Variants in SCN3A observed in about 807,000 individuals in gnomAD.
SCN3A encodes the protein sodium voltage-gated channel alpha subunit 3.
SCN3A carries 60 observed loss-of-function variants against 187.6 expected under a neutral mutation model. That is an observed-to-expected ratio of 0.32 (90% confidence interval 0.26 to 0.40). The LOEUF (loss-of-function observed/expected upper bound fraction) is 0.40. Among genes scored for constraint, SCN3A ranks in the 10% least tolerant of loss-of-function variants. SCN3A has a pLI of 1.00. For synonymous variants in SCN3A, 788 were observed against 829.2 expected (o/e 0.95, Z 0.85); for missense variants, 1,601 against 2,428.2 (o/e 0.66, Z 7.16).
At chr2:165,096,678 T>C (rs577231417) in intron 23 of SCN3A, among the ~76,000 whole-genome samples, 158 bp from the exon 24 acceptor site, 17 of 152,262 alleles carry the variant, frequency 1.1e-4, no homozygotes, top group Non-Finnish European at 2.1e-4. Context: ...AGAAAAACAT[T>C]TGTATTTAAA....
Position 165,092,339 on chromosome 2 carries a change from C to T in SCN3A, c.4722G>A (p.Val1574=). The change falls in exon 27 of 28, where the codon GTG becomes GTA. Residue 1574 remains valine (V), a synonymous_variant. Coordinates refer to ENST00000283254, the MANE Select transcript of SCN3A (RefSeq NM_006922.4). This position sits in a 1 kb window ranked among gnomAD's most constrained non-coding sequence, Gnocchi z 4.2. ...AGTGTCTGAGGGAGACGAGCTTCAG[C>T]ACAAATTCTCCAGTGAACAGAACAA... is the stretch of plus-strand genomic sequence containing the variant. The part of the protein sequence containing the change: ...VFIVLFTGEF[V]LKLVSLRHYY... 1 of 1,613,928 alleles carries T rather than the reference C, an allele frequency of 6.2e-7. No homozygotes were observed. Among genetic ancestry groups the T allele is most frequent in the Non-Finnish European group, 8.5e-7 (1 of 1,179,934 alleles).
At chr2:165,154,787 T>C in intron 10 of SCN3A, 129 bp from the exon 11 acceptor site, 1 of 887,404 alleles carries the variant, frequency 1.1e-6, no homozygotes, top group Non-Finnish European at 1.8e-6. Flanking sequence ...TCACCAAGAA[T>C]TTTTTGGTAT....
At chr2:165,167,243 G>C (rs1689825551) in intron 5 of SCN3A, among the ~76,000 whole-genome samples, 1 of 152,096 alleles carries the variant, frequency 6.6e-6, no homozygotes, top group Admixed American at 6.6e-5. Context: ...GTCTTACATA[G>C]GAGTGTCCAT....
At position 165,090,215 on chromosome 2, in the gene SCN3A, T is replaced by C. The variant is rs1484298815; in HGVS notation, c.5938A>G (p.Lys1980Glu). Residue 1980 changes from lysine to glutamate, a missense_variant, in exon 28 of 28, where the codon AAG becomes GAG. Transcript: ENST00000283254. This position sits in a 1 kb window ranked among gnomAD's most constrained non-coding sequence, Gnocchi z 4.0. ...TTTTCTGGTTTGTCTTTCTCAAACT[T>C]TTCCTTGTCTGGTTTTGTTACACTA... Reference protein sequence around the residue: ...YDSVTKPDKEKFEKDKPEKES... With the variant: ...YDSVTKPDKEEFEKDKPEKES... 8 of 1,607,646 alleles carry C rather than the reference T, an allele frequency of 5.0e-6. No homozygotes were observed. The highest frequency in any genetic ancestry group is 6.0e-6 in the Non-Finnish European group (7 of 1,175,780).
At position 165,123,245 on chromosome 2, in the gene SCN3A, T is replaced by C. The variant is rs565833252; in HGVS notation, c.3393+4386A>G. 2.0e-4 allele frequency among the ~76,000 whole-genome samples: 30 copies of C among 152,288 alleles called. No homozygotes were observed. In the South Asian group the frequency reaches 6.2e-3, roughly 32 times the overall value. ...TGAACTTTTTTCATGCAAAAGTTTATATTTGCTTCCATACCAGCCTATTTA... is the reference window on the plus strand; with the variant it reads ...TGAACTTTTTTCATGCAAAAGTTTACATTTGCTTCCATACCAGCCTATTTA... On this transcript the variant is annotated intron_variant, in intron 18 of 27. Coordinates refer to ENST00000283254, the MANE Select transcript of SCN3A (RefSeq NM_006922.4).
chr2:165,145,748 G>A (rs1232367950), intron 12 of SCN3A, among the ~76,000 whole-genome samples: 1 of 151,560 alleles, frequency 6.6e-6, no homozygotes, highest in Non-Finnish European at 1.5e-5. Context: ...TGCAGTTTTT[G>A]ATTAAATTAA....
intron 11 of SCN3A, among the ~76,000 whole-genome samples, chr2:165,153,851 C>T (rs1007531538): frequency 1.3e-5 from 2 of 151,574 alleles, no homozygotes; most frequent in African/African-American, 2.4e-5. Context: ...ACTGTGTTTC[C>T]GTCTCTTCTC....
chr2:165,134,716 A>G (rs1261228408), intron 15 of SCN3A, among the ~76,000 whole-genome samples: 1 of 152,102 alleles, frequency 6.6e-6, no homozygotes, highest in Non-Finnish European at 1.5e-5. Context: ...GTAAATGTAA[A>G]ATAAGTTGTA....
intron 2 of SCN3A, among the ~76,000 whole-genome samples, chr2:165,184,912 G>A (rs1346182675): frequency 6.6e-6 from 1 of 152,104 alleles, no homozygotes; most frequent in Admixed American, 6.5e-5. Context: ...GTATCACTAC[G>A]TTATAGCCAA....
intron 1 of SCN3A, among the ~76,000 whole-genome samples, chr2:165,190,102 T>C (rs1349177118): frequency 1.3e-5 from 2 of 152,194 alleles, no homozygotes; most frequent in Admixed American, 1.3e-4. Context: ...GGTAACAGTC[T>C]CAATTACCAT....
rs1179536824 is a variant in SCN3A at position 165,139,627 on chromosome 2, T to C, written c.2020-19A>G. ...TGGTGCCCTGCAAACCAAATACTGATGGCTCAAACCACTCTTCCCAATAAG... is the reference window on the plus strand; with the variant it reads ...TGGTGCCCTGCAAACCAAATACTGACGGCTCAAACCACTCTTCCCAATAAG... On this transcript the variant is annotated intron_variant, in intron 13 of 27. Transcript: ENST00000283254. The C allele has an allele frequency of 6.2e-7, 1 of 1,613,642 alleles. No homozygotes were observed. Among genetic ancestry groups the C allele is most frequent in the Non-Finnish European group, 8.5e-7 (1 of 1,179,712 alleles).
rs1183307258 is a variant in SCN3A, at chr2:165,090,574, A to G, written c.5579T>C (p.Val1860Ala). ...ATCCATCTCTCCACTCTCACCCAAA[A>G]CACGCTTTGTAAAGGCAAATAAAAT... ...LDILFAFTKR[V>A]LGESGEMDAL... Residue 1860 changes from valine to alanine, a missense_variant, in exon 28 of 28, where the codon GTT becomes GCT. Transcript: ENST00000283254. The surrounding 1 kb of genome is among the most constrained non-coding windows in gnomAD (Gnocchi z 4.0). 1.2e-6 allele frequency: 2 copies of G among 1,613,972 alleles called. No homozygotes were observed. Among genetic ancestry groups the G allele is most frequent in the Non-Finnish European group, 8.5e-7 (1 of 1,179,980 alleles).
Position 165,138,228 on chromosome 2 carries a change from GTTCA to G in SCN3A, c.2153-115_2153-112del. 4 of 786,908 alleles carry G rather than the reference GTTCA, an allele frequency of 5.1e-6. No homozygotes were observed. The South Asian group carries it at 5.9e-5, about 12-fold the overall frequency. 48.7% of individuals were successfully genotyped at this position (786,908 alleles called of 1,614,324 possible). A position where few individuals can be genotyped will look rare whatever the true frequency, so the allele number is the denominator to read the frequency against. On this transcript the variant is annotated intron_variant, in intron 14 of 27. Transcript: ENST00000283254. ...TTGATGCTTATATTTGAAAATAGAAGTTCATATTACTTAAGAAACTTGAGAAGAC... is the reference window on the plus strand; with the variant it reads ...TTGATGCTTATATTTGAAAATAGAAGTATTACTTAAGAAACTTGAGAAGAC...
chr2:165,148,382 T>C (rs16850147), intron 11 of SCN3A, among the ~76,000 whole-genome samples: 33,206 of 151,938 alleles, frequency 0.22, 3,624 homozygotes, highest in East Asian at 0.31. Flanking sequence ...TATAACAACA[T>C]ATTTTAGGAA....
chr2:165,113,768 A>C, intron 20 of SCN3A, 48 bp downstream of exon 20: 1 of 1,584,298 alleles, frequency 6.3e-7, no homozygotes, highest in Non-Finnish European at 8.7e-7. Flanking sequence ...TTTGGAGAAT[A>C]AACTATTTCA....
intron 11 of SCN3A, among the ~76,000 whole-genome samples, chr2:165,154,087 G>C (rs1574240651): frequency 7.4e-6 from 1 of 134,822 alleles, no homozygotes; most frequent in East Asian, 2.2e-4. Context: ...ATTAACTTCA[G>C]AACAAAATCT....
intron 18 of SCN3A, among the ~76,000 whole-genome samples, chr2:165,121,293 A>G (rs1022778344): frequency 6.6e-6 from 1 of 152,206 alleles, no homozygotes; most frequent in Non-Finnish European, 1.5e-5. Context: ...AGTCATGTCC[A>G]GAAGGGCATG....
At chr2:165,111,270 G>A (rs904784898) in intron 21 of SCN3A, among the ~76,000 whole-genome samples, 1 of 152,156 alleles carries the variant, frequency 6.6e-6, no homozygotes, top group African/African-American at 2.4e-5. Context: ...CAGAGACGGA[G>A]GTTGCAGTGA....
chr2:165,161,137 C>CTTTTTTTTTTTTTTTTTTTTTTTT (rs61608647), intron 9 of SCN3A, among the ~76,000 whole-genome samples: 35 of 93,396 alleles, frequency 3.7e-4, no homozygotes, highest in Non-Finnish European at 5.1e-4. Context: ...TTCTTTCTTT[C>CTTTTTTTTTTTTTTTTTTTTTTTT]TTTTTTTTTT....
Sources: allele counts gnomAD v4.1 joint callset (sites outside exome capture counted in the v4.1 genomes callset), GRCh38; gene constraint gnomAD v4.1.1; non-coding constraint Gnocchi (gnomAD v3.1); transcripts MANE v1.5; gene names NCBI Gene and HGNC (gene_info 2026-07-23, HGNC 2026-07-21).